TENT4A: variants seen among roughly 807,000 people sequenced by gnomAD.
TENT4A encodes the protein terminal nucleotidyltransferase 4A.
TENT4A carries 7 observed loss-of-function variants against 72.8 expected under a neutral mutation model. That is an observed-to-expected ratio of 0.10 (90% CI 0.05 to 0.18). The LOEUF (loss-of-function observed/expected upper bound fraction) is 0.18, where lower values mean the gene tolerates loss of function less well. TENT4A is among the 10% of genes least tolerant of loss of function. The probability of loss-of-function intolerance (pLI) is 1.00; values close to 1 mark genes in which losing one functional copy is unlikely to be tolerated. For synonymous variants in TENT4A, 456 were observed against 434.3 expected (o/e 1.05, Z -0.62); for missense variants, 831 against 1,017.7 (o/e 0.82, Z 2.50).
At chr5:6,720,803 T>C (rs274719) in intron 1 of TENT4A, among the ~76,000 whole-genome samples, 89,840 of 152,008 alleles carry the variant, frequency 0.59, 27,317 homozygotes, top group Middle Eastern at 0.67. Context: ...CATTGGCTAG[T>C]TTAGGAAAGG....
At position 6,752,945 on chromosome 5, in the gene TENT4A, A is replaced by C. The variant is rs1263612173; in HGVS notation, c.2092A>C (p.Thr698Pro). 6.2e-7 allele frequency: 1 copy of C among 1,613,930 alleles called. No homozygotes were observed. The highest frequency in any genetic ancestry group is 1.3e-5 in the African/African-American group (1 of 74,868). ...VPCRQAGVEG[T>P]ASLKAVHHMS... ...TTGCAGACAAGCTGGTGTAGAAGGAACTGCGTCTTTGAAAGCCGTCCACCA... is the reference window on the plus strand; with the variant it reads ...TTGCAGACAAGCTGGTGTAGAAGGACCTGCGTCTTTGAAAGCCGTCCACCA... Residue 698 changes from threonine to proline, a missense_variant, in exon 12 of 13, where the codon ACT (threonine) becomes CCT (proline). This residue lies in a region of TENT4A where 332 missense variants were observed against 324.3 expected (regional missense o/e 1.02). Transcript: ENST00000230859.
At chr5:6,737,360 CAG>C in intron 1 of TENT4A, 148 bp from the exon 2 acceptor site, 6 of 677,830 alleles carry the variant, frequency 8.9e-6, no homozygotes, top group Admixed American at 3.2e-5. Context: ...TTGTTGAGCA[CAG>C]AGTTTTCATT....
At chr5:6,749,294 T>A (rs1395419690) in intron 8 of TENT4A, among the ~76,000 whole-genome samples, 1 of 152,180 alleles carries the variant, frequency 6.6e-6, no homozygotes, top group Non-Finnish European at 1.5e-5. Flanking sequence ...TGTATGATCA[T>A]CGTGGGTGGG....
At chr5:6,720,114 C>G (rs1714758682) in intron 1 of TENT4A, among the ~76,000 whole-genome samples, 1 of 152,188 alleles carries the variant, frequency 6.6e-6, no homozygotes. Context: ...ATCTGCAAAG[C>G]AAGGTACTTT....
At chr5:6,723,463 C>A (rs1242042008) in intron 1 of TENT4A, among the ~76,000 whole-genome samples, 1 of 152,138 alleles carries the variant, frequency 6.6e-6, no homozygotes, top group African/African-American at 2.4e-5. Flanking sequence ...CCAGAGCTGA[C>A]CCTTGAAATG....
chr5:6,725,282 C>T (rs1015365944), intron 1 of TENT4A, among the ~76,000 whole-genome samples: 2 of 152,156 alleles, frequency 1.3e-5, no homozygotes, highest in African/African-American at 4.8e-5. Flanking sequence ...GATCACACTA[C>T]TGCACTCCAG....
Position 6,754,974 on chromosome 5 carries a change from C to G in TENT4A, c.*29C>G. 1 of 1,545,496 alleles carries G rather than the reference C, an allele frequency of 6.5e-7. No homozygotes were observed. The highest frequency in any genetic ancestry group is 8.8e-7 in the Non-Finnish European group (1 of 1,136,826). On this transcript the variant is annotated 3_prime_UTR_variant, in exon 13 of 13. Transcript: ENST00000230859. ...CTCCTGGCTGCGTCAGCCTCCCCCACCCCTCTGCAGACTGCCCCGCGGCCT... is the reference window on the plus strand; with the variant it reads ...CTCCTGGCTGCGTCAGCCTCCCCCAGCCCTCTGCAGACTGCCCCGCGGCCT...
At chr5:6,725,460 G>T (rs1446051522) in intron 1 of TENT4A, among the ~76,000 whole-genome samples, 1 of 152,230 alleles carries the variant, frequency 6.6e-6, no homozygotes, top group African/African-American at 2.4e-5. Context: ...GACAGCTAGT[G>T]CCCTGATTTT....
At chr5:6,754,003 C>T (rs1032579842) in intron 12 of TENT4A, among the ~76,000 whole-genome samples, 11 of 152,208 alleles carry the variant, frequency 7.2e-5, no homozygotes, top group Admixed American at 3.9e-4. Flanking sequence ...TGCTTGGCCG[C>T]GACTTTGCAG....
At chr5:6,743,881 G>C (rs1256553748) in intron 6 of TENT4A, 41 bp downstream of exon 6, 1 of 1,601,628 alleles carries the variant, frequency 6.2e-7, no homozygotes, top group African/African-American at 1.3e-5. Context: ...TGAGACATGT[G>C]TAAGAGTAGA....
chr5:6,748,313 C>T (rs866636693), intron 7 of TENT4A, 151 bp from the exon 8 acceptor site: 1 of 990,366 alleles, frequency 1.0e-6, no homozygotes. Context: ...CACCCGTGCC[C>T]ATTGTGTTCG....
Position 6,753,139 on chromosome 5 carries a change from T to C in TENT4A, c.2184+102T>C, listed in dbSNP as rs541959653. 1,080 of 1,214,188 alleles carry C rather than the reference T, an allele frequency of 8.9e-4. 1 individual carries two copies. The highest frequency in any genetic ancestry group is 1.1e-3 in the Non-Finnish European group (972 of 882,746). The allele number at this position is 1,214,188 out of a possible 1,614,324, so 75.2% of individuals were successfully genotyped here. A position where few individuals can be genotyped will look rare whatever the true frequency, so the allele number is the denominator to read the frequency against. Reference sequence around the variant, plus strand: ...CAGAGAGAATTCCAGAGAGATCATTTGAAAACGGAATTTGCTTTGTTGTCA... The same window carrying C: ...CAGAGAGAATTCCAGAGAGATCATTCGAAAACGGAATTTGCTTTGTTGTCA... On this transcript the variant is annotated intron_variant, in intron 12 of 12. Transcript: ENST00000230859.
intron 1 of TENT4A, among the ~76,000 whole-genome samples, chr5:6,737,177 A>AT (rs1263885242): frequency 1.3e-5 from 2 of 152,252 alleles, no homozygotes; most frequent in Non-Finnish European, 2.9e-5. Flanking sequence ...ACTGTGCCAC[A>AT]TTCATTGGAA....
chr5:6,750,371 T>C lies in TENT4A; in HGVS notation c.1728T>C (p.Asn576=). The C allele has an allele frequency of 6.2e-7, 1 of 1,612,858 alleles. No homozygotes were observed. The highest frequency in any genetic ancestry group is 8.5e-7 in the Non-Finnish European group (1 of 1,179,468). The change falls in exon 10 of 13, where the codon AAT becomes AAC. Residue 576 remains asparagine (N), a synonymous_variant. Transcript: ENST00000230859. Reference sequence around the variant, plus strand: ...TCAAAGAGCGAATAGCCACATGCAATGGGGAGCAGACGCAGAACCGAGAGC... The same window carrying C: ...TCAAAGAGCGAATAGCCACATGCAACGGGGAGCAGACGCAGAACCGAGAGC... ...IKIKERIATC[N]GEQTQNREPE... is the part of the protein sequence containing the mutation.
At chr5:6,746,787 C>T (rs913452591) in intron 7 of TENT4A, among the ~76,000 whole-genome samples, 11 of 152,216 alleles carry the variant, frequency 7.2e-5, no homozygotes, top group Non-Finnish European at 1.5e-4. Context: ...TATTTCTCCA[C>T]TTTTTCCCTA....
At chr5:6,753,407 A>G (rs1390192887) in intron 12 of TENT4A, among the ~76,000 whole-genome samples, 1 of 152,248 alleles carries the variant, frequency 6.6e-6, no homozygotes, top group African/African-American at 2.4e-5. Flanking sequence ...AGATCTTGCC[A>G]TGATGTCCCG....
At chr5:6,746,926 G>T (rs28381395) in intron 7 of TENT4A, among the ~76,000 whole-genome samples, 1 of 152,160 alleles carries the variant, frequency 6.6e-6, no homozygotes, top group Non-Finnish European at 1.5e-5. Flanking sequence ...GTGTTTTGTC[G>T]TGAGGATTGC....
chr5:6,715,584 T>C (rs538974521), intron 1 of TENT4A, among the ~76,000 whole-genome samples: 65 of 152,242 alleles, frequency 4.3e-4, no homozygotes, highest in African/African-American at 1.5e-3. Context: ...GCACAATTTT[T>C]CCCCCCAATT....
chr5:6,728,231 C>CAT (rs1741037175), intron 1 of TENT4A, among the ~76,000 whole-genome samples: 1 of 152,048 alleles, frequency 6.6e-6, no homozygotes, highest in African/African-American at 2.4e-5. Context: ...TGAAGCATGT[C>CAT]ATACAGTGAG....
Sources: gnomAD v4.1 joint callset for allele counts (sites outside exome capture counted in the v4.1 genomes callset) on GRCh38, gnomAD v4.1.1 for gene constraint, gnomAD v4.1.1 regional missense constraint, MANE v1.5 for transcripts, NCBI Gene and HGNC (gene_info 2026-07-23, HGNC 2026-07-21) for gene names.